EYA1: variants seen among roughly 807,000 people sequenced by gnomAD.
EYA1 encodes protein phosphatase EYA1.
In EYA1, 16 loss-of-function variants were observed where a neutral mutation model predicts 82.0. The ratio of observed to expected loss-of-function variants is 0.20; its 90% CI spans 0.13 to 0.30. The LOEUF is 0.30. EYA1 is among the 10% of genes least tolerant of loss of function. The probability of loss-of-function intolerance (pLI) is 1.00; values close to 1 mark genes in which losing one functional copy is unlikely to be tolerated. For synonymous variants in EYA1, 261 were observed against 264.4 expected, an observed-to-expected ratio of 0.99 and a Z score of 0.12; for missense variants, 633 against 730.7, an observed-to-expected ratio of 0.87 and a Z score of 1.54.
chr8:71,225,748 A>AATTTCAGC (rs1191327197), intron 12 of EYA1, among the ~76,000 whole-genome samples: 1 of 152,228 alleles, frequency 6.6e-6, no homozygotes, highest in Non-Finnish European at 1.5e-5. Context: ...CAAAAAGAGG[A>AATTTCAGC]ATTTCAGCAT....
intron 3 of EYA1, among the ~76,000 whole-genome samples, chr8:71,335,428 T>C (rs1207967498): frequency 3.9e-5 from 6 of 152,194 alleles, no homozygotes; most frequent in African/African-American, 1.4e-4. Flanking sequence ...ATGCATCGGA[T>C]AGTCACTTTT....
chr8:71,256,042 C>CA (rs149950709), intron 11 of EYA1, among the ~76,000 whole-genome samples: 2,747 of 152,012 alleles, frequency 0.018, 117 homozygotes, highest in African/African-American at 0.062. Flanking sequence ...TATCAGAAAA[C>CA]AAAAAACAGA....
chr8:71,236,334 C>T (rs141918478), intron 12 of EYA1, among the ~76,000 whole-genome samples: 2 of 152,198 alleles, frequency 1.3e-5, no homozygotes, highest in Non-Finnish European at 2.9e-5. Context: ...AGCACCTGGC[C>T]GAATTTTACA....
intron 11 of EYA1, among the ~76,000 whole-genome samples, chr8:71,257,359 A>G (rs1297381045): frequency 6.6e-6 from 1 of 152,216 alleles, no homozygotes. Flanking sequence ...GCAAGTTTCT[A>G]TAATGAAAAG....
chr8:71,458,033 A>G (rs986538539), intron 2 of EYA1, among the ~76,000 whole-genome samples: 35 of 152,172 alleles, frequency 2.3e-4, no homozygotes, highest in Non-Finnish European at 5.0e-4. Context: ...TGTAATTTTC[A>G]GGGTAGAGAG....
intron 12 of EYA1, among the ~76,000 whole-genome samples, chr8:71,224,353 AG>A (rs1331613896): frequency 6.6e-6 from 1 of 152,258 alleles, no homozygotes; most frequent in African/African-American, 2.4e-5. Flanking sequence ...GAAGGATAAA[AG>A]TCAGCAGAGA....
chr8:71,517,942 A>G (rs1339710583), intron 2 of EYA1, among the ~76,000 whole-genome samples: 1 of 151,850 alleles, frequency 6.6e-6, no homozygotes, highest in Non-Finnish European at 1.5e-5. Context: ...GCAGTTTCCC[A>G]ATGTTTTTTA....
At chr8:71,327,853 CTT>C (rs71555578) in intron 4 of EYA1, among the ~76,000 whole-genome samples, 30 of 110,172 alleles carry the variant, frequency 2.7e-4, no homozygotes, top group East Asian at 8.8e-4. Context: ...TCTTTAAGTT[CTT>C]TTTTTTTTTT....
At chr8:71,284,839 C>A (rs1006005153) in intron 9 of EYA1, among the ~76,000 whole-genome samples, 1 of 152,212 alleles carries the variant, frequency 6.6e-6, no homozygotes, top group African/African-American at 2.4e-5. Context: ...TCACATCCTC[C>A]AATGCTGAGA....
In EYA1 at chr8:71,198,768, CTCT is replaced by C. The variant is rs1806560379; in HGVS notation, c.*569_*571del. 6.2e-6 allele frequency: 1 copy of C among 161,460 alleles called. No homozygotes were observed. Among genetic ancestry groups the C allele is most frequent in the Admixed American group, 5.8e-5 (1 of 17,220 alleles). The allele number at this position is 161,460 out of a possible 1,614,324, so 10.0% of individuals were successfully genotyped here. On this transcript the variant is annotated 3_prime_UTR_variant, in exon 18 of 18. Transcript: ENST00000340726. ...AATCACTTATTTCTAATGCTATTGT[CTCT>C]TCAATTATTTGATGTTTAAAAAAGT...
chr8:71,476,579 T>G (rs2129206968), intron 2 of EYA1, among the ~76,000 whole-genome samples: 1 of 152,078 alleles, frequency 6.6e-6, no homozygotes, highest in Non-Finnish European at 1.5e-5. Flanking sequence ...AAAGAAGAGC[T>G]AAATACATGG....
chr8:71,203,296 G>A (rs140984987), intron 17 of EYA1, among the ~76,000 whole-genome samples: 127 of 152,248 alleles, frequency 8.3e-4, no homozygotes, highest in Non-Finnish European at 1.4e-3. Context: ...GCATAGCACC[G>A]TAGCTACAGT....
intron 3 of EYA1, among the ~76,000 whole-genome samples, chr8:71,346,442 A>ATATATC (rs1554561567): frequency 1.4e-4 from 19 of 134,432 alleles, no homozygotes; most frequent in Non-Finnish European, 2.4e-4. Flanking sequence ...ATATATATAT[A>ATATATC]TATATATATA....
chr8:71,502,580 T>G (rs1206642993), intron 2 of EYA1, among the ~76,000 whole-genome samples: 1 of 152,204 alleles, frequency 6.6e-6, no homozygotes, highest in East Asian at 1.9e-4. Context: ...CCAAAAAATT[T>G]TATTTGTTGT....
At chr8:71,449,212 C>T (rs983306496) in intron 2 of EYA1, 3 of 159,668 alleles carry the variant, frequency 1.9e-5, no homozygotes, top group African/African-American at 7.2e-5. Flanking sequence ...GTGGAAGCTT[C>T]CAGACATTGT....
chr8:71,406,574 G>A (rs1362970499), intron 2 of EYA1, among the ~76,000 whole-genome samples: 1 of 152,220 alleles, frequency 6.6e-6, no homozygotes, highest in African/African-American at 2.4e-5. Context: ...AGCACAAGGG[G>A]TCAGGGAGTT....
chr8:71,510,454 G>T (rs1484239239), intron 2 of EYA1, among the ~76,000 whole-genome samples: 2 of 152,148 alleles, frequency 1.3e-5, no homozygotes, highest in Non-Finnish European at 2.9e-5. Flanking sequence ...AAGAAAAGAG[G>T]CTTAATTGAC....
At chr8:71,492,941 T>C (rs1436589840) in intron 2 of EYA1, among the ~76,000 whole-genome samples, 5 of 152,144 alleles carry the variant, frequency 3.3e-5, no homozygotes, top group Admixed American at 6.5e-5. Context: ...TAGGCCCCAG[T>C]GTGTGTTGTT....
At chr8:71,525,392 T>C (rs1193662628) in intron 2 of EYA1, among the ~76,000 whole-genome samples, 4 of 152,216 alleles carry the variant, frequency 2.6e-5, no homozygotes, top group Non-Finnish European at 4.4e-5. Flanking sequence ...GGAAATTTCA[T>C]GAATTCCTTT....
Sources: allele counts gnomAD v4.1 joint callset (sites outside exome capture counted in the v4.1 genomes callset), GRCh38; gene constraint gnomAD v4.1.1; transcripts MANE v1.5; gene names NCBI Gene and HGNC (gene_info 2026-07-23, HGNC 2026-07-21).